The following SLC39A11 variants were observed in gnomAD, a reference collection of about 807,000 sequenced individuals.
The protein encoded by SLC39A11 is solute carrier family 39 member 11.
Under a neutral mutation model 36.1 loss-of-function variants are expected in SLC39A11, and 33 were observed. That is an observed-to-expected ratio of 0.91 (90% CI 0.69 to 1.22). SLC39A11 has a LOEUF of 1.22. SLC39A11 is among the 50% of genes most tolerant of loss of function. The pLI is 0.00. For missense variants in SLC39A11, 432 were observed against 430.3 expected (o/e 1.00, Z -0.03); for synonymous variants, 166 against 170.3 (o/e 0.97, Z 0.20).
Position 73,082,505 on chromosome 17 carries a change from A to G in SLC39A11, c.147+2303T>C, listed in dbSNP as rs543414607. On this transcript the variant is annotated intron_variant, in intron 3 of 9. Transcript: ENST00000255559. ...TTTTTGTTTTGTTTTTTTCTTTTTCATAACATAAGGAAAGAGAAAATGTGT... is the reference window on the plus strand; with the variant it reads ...TTTTTGTTTTGTTTTTTTCTTTTTCGTAACATAAGGAAAGAGAAAATGTGT... Among the ~76,000 whole-genome samples, 268 of 151,572 alleles carry G rather than the reference A, an allele frequency of 1.8e-3. 1 individual carries two copies. Among genetic ancestry groups the G allele is most frequent in the African/African-American group, 6.2e-3 (256 of 41,318 alleles).
At position 72,777,048 on chromosome 17, in the gene SLC39A11, G is replaced by A. The variant is rs147269284; in HGVS notation, c.602-40329C>T. Among the ~76,000 whole-genome samples the A allele has an allele frequency of 9.2e-5, 14 of 152,282 alleles. No homozygotes were observed. The East Asian group carries it at 2.5e-3, about 27-fold the overall frequency. On this transcript the variant is annotated intron_variant, in intron 6 of 9. Transcript: ENST00000255559. ...GTGAGGATTGGCTGAGGTCAAGGGT[G>A]GGCCTGCTTCGTAAACTGCACTGTT... is the stretch of plus-strand genomic sequence containing the variant.
At chr17:73,040,988 A>AAAAACAC (rs1555690024) in intron 3 of SLC39A11, among the ~76,000 whole-genome samples, 2 of 132,210 alleles carry the variant, frequency 1.5e-5, no homozygotes, top group East Asian at 2.2e-4. Flanking sequence ...CCATCTCAAA[A>AAAAACAC]AAAAAACAAA....
chr17:72,848,215 C>T (rs1489607194), intron 6 of SLC39A11, among the ~76,000 whole-genome samples: 1 of 152,180 alleles, frequency 6.6e-6, no homozygotes, highest in Non-Finnish European at 1.5e-5. Flanking sequence ...GGAGTTCAAG[C>T]AATTCGTCAA....
intron 6 of SLC39A11, among the ~76,000 whole-genome samples, chr17:72,828,340 A>C (rs1166184925): frequency 6.6e-6 from 1 of 152,226 alleles, no homozygotes; most frequent in Non-Finnish European, 1.5e-5. Context: ...GCAATGCAAG[A>C]AAGATTCAAC....
chr17:72,926,319 A>T (rs185709620), intron 5 of SLC39A11, among the ~76,000 whole-genome samples: 33 of 152,326 alleles, frequency 2.2e-4, no homozygotes, highest in African/African-American at 7.2e-4. Context: ...GTAGCCTCTC[A>T]CCTAACCTTG....
intron 5 of SLC39A11, among the ~76,000 whole-genome samples, chr17:72,864,504 C>T (rs984350490): frequency 2.6e-5 from 4 of 152,060 alleles, no homozygotes; most frequent in South Asian, 2.1e-4. Context: ...AAGGGTTAAC[C>T]GGGGTCCCCT....
intron 4 of SLC39A11, among the ~76,000 whole-genome samples, chr17:72,954,476 G>C (rs2086103418): frequency 6.6e-6 from 1 of 152,214 alleles, no homozygotes; most frequent in Non-Finnish European, 1.5e-5. Context: ...CTTGGGACGT[G>C]CAGTTGCCAG....
intron 7 of SLC39A11, among the ~76,000 whole-genome samples, chr17:72,715,982 C>T (rs1011219940): frequency 6.6e-6 from 1 of 152,154 alleles, no homozygotes; most frequent in African/African-American, 2.4e-5. Context: ...CAGACGTGAG[C>T]CACCGTGCCC....
chr17:72,915,309 G>A (rs1249187211), intron 5 of SLC39A11, among the ~76,000 whole-genome samples: 1 of 151,956 alleles, frequency 6.6e-6, no homozygotes, highest in Non-Finnish European at 1.5e-5. Flanking sequence ...AGTCAACTAG[G>A]GACACCCCTG....
At chr17:72,924,621 C>A (rs562468119) in intron 5 of SLC39A11, among the ~76,000 whole-genome samples, 63 of 152,196 alleles carry the variant, frequency 4.1e-4, no homozygotes, top group African/African-American at 1.5e-3. Flanking sequence ...GCTACCAAGT[C>A]CCCAATGAAG....
chr17:72,693,389 G>A (rs1398085009), intron 7 of SLC39A11, among the ~76,000 whole-genome samples: 1 of 152,226 alleles, frequency 6.6e-6, no homozygotes, highest in Non-Finnish European at 1.5e-5. Flanking sequence ...TGTTCAGACT[G>A]GCAGTGCTGC....
At chr17:72,757,065 C>G (rs950574568) in intron 6 of SLC39A11, among the ~76,000 whole-genome samples, 2 of 151,586 alleles carry the variant, frequency 1.3e-5, no homozygotes, top group African/African-American at 4.8e-5. Context: ...ACTAAGGAGG[C>G]TGAGGCAGGA....
intron 7 of SLC39A11, among the ~76,000 whole-genome samples, chr17:72,661,938 C>T (rs373703868): frequency 1.4e-4 from 22 of 152,234 alleles, no homozygotes; most frequent in Admixed American, 5.2e-4. Flanking sequence ...GTAGACAAAC[C>T]GCCCACATTT....
intron 4 of SLC39A11, among the ~76,000 whole-genome samples, chr17:72,963,489 A>T (rs1204194809): frequency 1.3e-5 from 2 of 151,422 alleles, no homozygotes; most frequent in Non-Finnish European, 2.9e-5. Flanking sequence ...TATAATTCTT[A>T]AGGGCCATCT....
At chr17:72,970,347 T>G (rs992474211) in intron 4 of SLC39A11, among the ~76,000 whole-genome samples, 12 of 152,176 alleles carry the variant, frequency 7.9e-5, no homozygotes, top group African/African-American at 2.9e-4. Context: ...CAATACTATT[T>G]ATGTGAGCCG....
intron 5 of SLC39A11, among the ~76,000 whole-genome samples, chr17:72,868,895 C>T (rs1340597389): frequency 1.3e-5 from 2 of 152,108 alleles, no homozygotes; most frequent in African/African-American, 4.8e-5. Flanking sequence ...ATAGACAGAA[C>T]TCTAAAGATG....
At chr17:72,662,808 G>A (rs1337832234) in intron 7 of SLC39A11, among the ~76,000 whole-genome samples, 1 of 151,860 alleles carries the variant, frequency 6.6e-6, no homozygotes, top group African/African-American at 2.4e-5. Context: ...AGAAAGAGAA[G>A]AAAGAGAGAA....
At chr17:72,874,669 G>A (rs981332819) in intron 5 of SLC39A11, among the ~76,000 whole-genome samples, 2 of 152,158 alleles carry the variant, frequency 1.3e-5, no homozygotes, top group Non-Finnish European at 2.9e-5. Flanking sequence ...AATCATCAGG[G>A]AACACCCTGA....
At chr17:72,695,874 C>A (rs907777601) in intron 7 of SLC39A11, among the ~76,000 whole-genome samples, 3 of 152,182 alleles carry the variant, frequency 2.0e-5, no homozygotes, top group Non-Finnish European at 4.4e-5. Flanking sequence ...CCTTCCAGAG[C>A]CTGCAGAGAG....
Sources: gnomAD v4.1 joint callset for allele counts (sites outside exome capture counted in the v4.1 genomes callset) on GRCh38, gnomAD v4.1.1 for gene constraint, MANE v1.5 for transcripts, NCBI Gene and HGNC (gene_info 2026-07-23, HGNC 2026-07-21) for gene names.